ARHGEF11: variants seen among roughly 807,000 people sequenced by gnomAD.
ARHGEF11 encodes the protein Rho guanine nucleotide exchange factor 11, also known as Rho guanine exchange factor (GEF) 11.
A neutral mutation model predicts 193.7 loss-of-function variants in ARHGEF11; 55 were observed. The ratio of observed to expected loss-of-function variants is 0.28; its 90% CI spans 0.23 to 0.36. The LOEUF is 0.36. ARHGEF11 is among the 10% of genes least tolerant of loss of function. The probability of loss-of-function intolerance (pLI) is 1.00; values close to 1 mark genes in which losing one functional copy is unlikely to be tolerated. For synonymous variants in ARHGEF11, 693 were observed against 768.0 expected, an observed-to-expected ratio of 0.90 and a Z score of 1.62; for missense variants, 1,723 against 2,005.6, an observed-to-expected ratio of 0.86 and a Z score of 2.69.
intron 1 of ARHGEF11, among the ~76,000 whole-genome samples, chr1:157,020,034 G>A (rs1197109055): frequency 1.3e-5 from 2 of 151,444 alleles, no homozygotes; most frequent in Non-Finnish European, 2.9e-5. Context: ...GGCTGAGGCA[G>A]AATAGCGTGA....
intron 29 of ARHGEF11, 180 bp from the exon 30 acceptor site, chr1:156,945,377 A>G: frequency 4.9e-6 from 3 of 616,498 alleles, no homozygotes. Context: ...ACTTTTACTG[A>G]GCATCTTCAG....
chr1:156,955,042 A>T, intron 20 of ARHGEF11, 121 bp from the exon 21 acceptor site: 1 of 780,700 alleles, frequency 1.3e-6, no homozygotes, highest in South Asian at 1.7e-5. Flanking sequence ...ATCAAGGCTG[A>T]TCTAGAAGAA....
Position 156,948,015 on chromosome 1 carries a change from G to T in ARHGEF11, c.2154-59C>A. 6.3e-7 allele frequency: 1 copy of T among 1,586,342 alleles called. No individual in the cohort carries two copies. Among genetic ancestry groups the T allele is most frequent in the Non-Finnish European group, 8.6e-7 (1 of 1,162,242 alleles). ...GAGGAAGAACTCACACAGAGGGTTT[G>T]GCCCTCCCTCTCCTGCCCGACCTGC... On this transcript the variant is annotated intron_variant, in intron 24 of 40. Transcript: ENST00000368194. This position sits in a 1 kb window ranked among gnomAD's most constrained non-coding sequence, Gnocchi z 4.2.
intron 40 of ARHGEF11, among the ~76,000 whole-genome samples, chr1:156,936,497 AAT>A (rs1553192804): frequency 0.014 from 479 of 33,906 alleles, 11 homozygotes; most frequent in African/African-American, 0.042. Context: ...AAAAAAAAAA[AAT>A]ATATATATAT....
At chr1:156,995,841 C>T (rs1040824153) in intron 1 of ARHGEF11, among the ~76,000 whole-genome samples, 4 of 151,922 alleles carry the variant, frequency 2.6e-5, no homozygotes, top group African/African-American at 9.7e-5. Context: ...CTGTGCCCGG[C>T]CGGTTTGGGT....
intron 1 of ARHGEF11, among the ~76,000 whole-genome samples, chr1:156,993,822 C>T (rs1666106184): frequency 6.6e-6 from 1 of 152,194 alleles, no homozygotes; most frequent in Non-Finnish European, 1.5e-5. Context: ...CAGACAACCG[C>T]TGCTGATCTA....
In ARHGEF11 at chr1:156,998,330, T is replaced by C. The variant is rs75635781; in HGVS notation, c.33-12157A>G. Among the ~76,000 whole-genome samples, 1,074 of 152,310 alleles carry C rather than the reference T, an allele frequency of 7.1e-3. 17 individuals are homozygous for C. The highest frequency in any genetic ancestry group is 0.025 in the African/African-American group (1,032 of 41,548). ...TATTGGCACAAGCTCACATCGGACT[T>C]ATCCAATTTGTCACATATTTCTCAG... On this transcript the variant is annotated intron_variant, in intron 1 of 40. Coordinates refer to ENST00000368194, the MANE Select transcript of ARHGEF11 (RefSeq NM_198236.3).
At chr1:157,003,990 C>A (rs1418894992) in intron 1 of ARHGEF11, among the ~76,000 whole-genome samples, 21 of 152,162 alleles carry the variant, frequency 1.4e-4, no homozygotes, top group Admixed American at 1.4e-3. Flanking sequence ...TTAAGTTGCT[C>A]CCTTGTATTC....
intron 1 of ARHGEF11, among the ~76,000 whole-genome samples, chr1:156,996,576 AT>A (rs756184057): frequency 5.3e-5 from 8 of 151,962 alleles, no homozygotes; most frequent in Non-Finnish European, 1.0e-4. Flanking sequence ...GATTGAGACC[AT>A]CCTGGCTAAC....
chr1:156,968,417 T>C (rs1403371649), intron 10 of ARHGEF11, among the ~76,000 whole-genome samples: 4 of 152,342 alleles, frequency 2.6e-5, no homozygotes, highest in East Asian at 3.9e-4. Context: ...AGGTGTATCC[T>C]GGACTTAACC....
chr1:156,937,016 C>T lies in ARHGEF11; in HGVS notation c.4441-11G>A, dbSNP rs58466004. On this transcript the variant is annotated splice_polypyrimidine_tract_variant and intron_variant, in intron 39 of 40. Coordinates refer to ENST00000368194, the MANE Select transcript of ARHGEF11 (RefSeq NM_198236.3). ...GGCCAGCTCCATATCCTGGAAGAGTCGGCGGGGGAATGTCTGCTCGAGTCC... is the reference window on the plus strand; with the variant it reads ...GGCCAGCTCCATATCCTGGAAGAGTTGGCGGGGGAATGTCTGCTCGAGTCC... 5,580 of 1,609,874 alleles carry T rather than the reference C, an allele frequency of 3.5e-3. 152 individuals are homozygous for T. The African/African-American group carries it at 0.066, about 19-fold the overall frequency.
At chr1:156,967,627 A>G (rs1661871224) in intron 11 of ARHGEF11, among the ~76,000 whole-genome samples, 1 of 152,130 alleles carries the variant, frequency 6.6e-6, no homozygotes, top group Non-Finnish European at 1.5e-5. Context: ...TGTTTGAGAA[A>G]AGGATTTTGC....
At chr1:157,039,938 T>C (rs1672527425) in intron 1 of ARHGEF11, among the ~76,000 whole-genome samples, 2 of 152,256 alleles carry the variant, frequency 1.3e-5, no homozygotes, top group African/African-American at 4.8e-5. Flanking sequence ...AGAACTCCTT[T>C]ACCTTTATAC....
intron 1 of ARHGEF11, among the ~76,000 whole-genome samples, chr1:156,991,273 A>G (rs888046100): frequency 1.3e-5 from 2 of 152,180 alleles, no homozygotes; most frequent in Non-Finnish European, 2.9e-5. Context: ...CAGTATCATC[A>G]GTAATGTGTG....
Position 156,940,229 on chromosome 1 carries a change from G to T in ARHGEF11, c.3711C>A (p.Leu1237=). 1 of 1,594,792 alleles carries T rather than the reference G, an allele frequency of 6.3e-7. No individual in the cohort carries two copies. Residue 1237 remains leucine (L), a synonymous_variant, in exon 36 of 41, where the codon CTC becomes CTA. Transcript: ENST00000368194. ...AFPGPLFMEG[L]ADSALEDVEN... is the part of the protein sequence containing the mutation. Reference sequence around the variant, plus strand: ...CACCATCTTCCAGAGCGGAGTCAGCGAGCCCTTCCATGAACAGAGGGCCTG... The same window carrying T: ...CACCATCTTCCAGAGCGGAGTCAGCTAGCCCTTCCATGAACAGAGGGCCTG...
At position 156,956,608 on chromosome 1, in the gene ARHGEF11, T is replaced by C. The variant is rs778745225; in HGVS notation, c.1527-44A>G. 9 of 1,611,360 alleles carry C rather than the reference T, an allele frequency of 5.6e-6. No homozygotes were observed. The East Asian group carries it at 1.6e-4, about 28-fold the overall frequency. ...GTCCTGAATCAGAGAGCTCAAGTTA[T>C]CTTCCCTGTGCCAAACAATCTCTTC... On this transcript the variant is annotated intron_variant, in intron 18 of 40. Coordinates refer to ENST00000368194, the MANE Select transcript of ARHGEF11 (RefSeq NM_198236.3).
At chr1:156,992,604 TG>T (rs1277795105) in intron 1 of ARHGEF11, among the ~76,000 whole-genome samples, 22 of 78,490 alleles carry the variant, frequency 2.8e-4, no homozygotes, top group African/African-American at 1.5e-3. Context: ...TGTATATATA[TG>T]TGTGTGTGTG....
intron 1 of ARHGEF11, among the ~76,000 whole-genome samples, chr1:157,036,196 A>G (rs1338817606): frequency 7.6e-6 from 1 of 132,298 alleles, no homozygotes; most frequent in Non-Finnish European, 1.6e-5. Context: ...TACATATATG[A>G]ATATATATAC....
chr1:156,969,234 G>C (rs1254770150), intron 10 of ARHGEF11, 48 bp downstream of exon 10: 3 of 1,511,102 alleles, frequency 2.0e-6, no homozygotes, highest in Non-Finnish European at 2.7e-6. Context: ...TCAAGGGAAG[G>C]GACCCCGAAT....
Sources: gnomAD v4.1 joint callset for allele counts (sites outside exome capture counted in the v4.1 genomes callset) on GRCh38, gnomAD v4.1.1 for gene constraint, Gnocchi (gnomAD v3.1) non-coding constraint, MANE v1.5 for transcripts, NCBI Gene and HGNC (gene_info 2026-07-23, HGNC 2026-07-21) for gene names.